Variants in NKAIN2 observed in about 807,000 individuals in gnomAD.
NKAIN2 encodes sodium/potassium-transporting ATPase subunit beta-1-interacting protein 2.
Under a neutral mutation model 32.6 loss-of-function variants are expected in NKAIN2, and 14 were observed. The ratio of observed to expected loss-of-function variants is 0.43; its 90% CI spans 0.28 to 0.67. The LOEUF is 0.67. Ranked by LOEUF, NKAIN2 falls within the 30% of genes least tolerant of loss-of-function variation. The pLI is 0.17. For missense variants in NKAIN2, 198 were observed against 258.3 expected (o/e 0.77, Z 1.60); for synonymous variants, 80 against 87.2 (o/e 0.92, Z 0.46).
chr6:124,406,604 A>G (rs184124077), intron 3 of NKAIN2, among the ~76,000 whole-genome samples: 3 of 152,270 alleles, frequency 2.0e-5, no homozygotes, highest in East Asian at 3.9e-4. Flanking sequence ...TCCCAGTGGT[A>G]TAATGGCTGG....
At chr6:124,822,467 G>T (rs1309976524) in intron 6 of NKAIN2, among the ~76,000 whole-genome samples, 5 of 152,150 alleles carry the variant, frequency 3.3e-5, no homozygotes, top group Non-Finnish European at 7.3e-5. Context: ...TAGCTGTGGG[G>T]CTCCCACTGT....
intron 4 of NKAIN2, among the ~76,000 whole-genome samples, chr6:124,726,386 G>T (rs999675243): frequency 6.6e-6 from 1 of 151,896 alleles, no homozygotes; most frequent in African/African-American, 2.4e-5. Flanking sequence ...GCCTCCTCAA[G>T]TGGGTCCCTG....
chr6:124,082,705 AT>A (rs1254483335), intron 1 of NKAIN2, among the ~76,000 whole-genome samples: 3 of 152,090 alleles, frequency 2.0e-5, no homozygotes, highest in Admixed American at 6.6e-5. Context: ...TAGAAACTAA[AT>A]GTCAAATGAA....
chr6:124,717,590 C>T (rs1427426902), intron 4 of NKAIN2, among the ~76,000 whole-genome samples: 1 of 152,026 alleles, frequency 6.6e-6, no homozygotes, highest in Non-Finnish European at 1.5e-5. Context: ...TCCAGAATGA[C>T]AATAACAGTA....
rs534857143 is a variant in NKAIN2, at chr6:124,524,311, AATTT to A, written c.274-133868_274-133865del. Among the ~76,000 whole-genome samples, 15 of 151,970 alleles carry A rather than the reference AATTT, an allele frequency of 9.9e-5. No individual in the cohort carries two copies. In the South Asian group the frequency reaches 1.5e-3, roughly 15 times the overall value. ...AAAATAGTCCTTTCCTCATCTTGCA[AATTT>A]ATTTATCAAGTGCTATCATTATATA... On this transcript the variant is annotated intron_variant, in intron 3 of 6. Transcript: ENST00000368417.
At chr6:124,559,834 ATTTTTTTTTT>A (rs55701016) in intron 3 of NKAIN2, among the ~76,000 whole-genome samples, 4 of 73,782 alleles carry the variant, frequency 5.4e-5, no homozygotes, top group Non-Finnish European at 9.4e-5. Flanking sequence ...GAAATAAACC[ATTTTTTTTTT>A]TTTTTTTTTT....
chr6:123,869,112 G>T (rs1046594013), intron 1 of NKAIN2, among the ~76,000 whole-genome samples: 2 of 152,104 alleles, frequency 1.3e-5, no homozygotes. Context: ...AATTGAGAAA[G>T]ACATAGGCTT....
intron 1 of NKAIN2, among the ~76,000 whole-genome samples, chr6:123,903,227 C>T (rs1048322941): frequency 2.6e-5 from 4 of 152,056 alleles, no homozygotes; most frequent in South Asian, 2.1e-4. Flanking sequence ...TCCTAATTGT[C>T]GCTTTTATTT....
intron 3 of NKAIN2, among the ~76,000 whole-genome samples, chr6:124,392,916 G>GC (rs1773206808): frequency 6.6e-6 from 1 of 152,000 alleles, no homozygotes; most frequent in Non-Finnish European, 1.5e-5. Flanking sequence ...TTGCTACTTG[G>GC]CACCCTTGAG....
chr6:124,398,654 C>G (rs1773500322), intron 3 of NKAIN2, among the ~76,000 whole-genome samples: 1 of 152,008 alleles, frequency 6.6e-6, no homozygotes, highest in African/African-American at 2.4e-5. Context: ...CTTATAGAGG[C>G]AATTTAAAAT....
chr6:124,337,343 A>AAAC (rs1797920356), intron 2 of NKAIN2, among the ~76,000 whole-genome samples: 1 of 151,986 alleles, frequency 6.6e-6, no homozygotes, highest in Non-Finnish European at 1.5e-5. Context: ...CGAAACTACA[A>AAAC]AATAATAATA....
At chr6:124,448,505 CA>C (rs1326282586) in intron 3 of NKAIN2, among the ~76,000 whole-genome samples, 1 of 152,136 alleles carries the variant, frequency 6.6e-6, no homozygotes, top group East Asian at 1.9e-4. Context: ...AATCCATATT[CA>C]GGGGACTGGC....
intron 3 of NKAIN2, among the ~76,000 whole-genome samples, chr6:124,564,612 A>C (rs1023373341): frequency 2.0e-5 from 3 of 152,116 alleles, no homozygotes; most frequent in African/African-American, 7.2e-5. Flanking sequence ...CACTTTTAAG[A>C]GCTGTAACAC....
chr6:124,286,642 TTGTG>T (rs56396833), intron 2 of NKAIN2, among the ~76,000 whole-genome samples: 2,057 of 144,548 alleles, frequency 0.014, 21 homozygotes, highest in Non-Finnish European at 0.018. Flanking sequence ...GTTTGGAAAA[TTGTG>T]TGTGTGTGTG....
At chr6:123,898,807 A>C (rs1774414163) in intron 1 of NKAIN2, among the ~76,000 whole-genome samples, 1 of 152,028 alleles carries the variant, frequency 6.6e-6, no homozygotes, top group African/African-American at 2.4e-5. Context: ...GCAACTTTTA[A>C]CTTAGACTCA....
At chr6:124,036,651 T>A (rs1427732748) in intron 1 of NKAIN2, among the ~76,000 whole-genome samples, 1 of 152,120 alleles carries the variant, frequency 6.6e-6, no homozygotes, top group East Asian at 1.9e-4. Flanking sequence ...ACAAAATATT[T>A]TACAGTCCCA....
intron 1 of NKAIN2, among the ~76,000 whole-genome samples, chr6:123,935,175 A>G (rs907459942): frequency 4.0e-4 from 59 of 147,750 alleles, no homozygotes; most frequent in Middle Eastern, 3.6e-3. Flanking sequence ...TTAAAAATAA[A>G]TATATTAAAT....
intron 1 of NKAIN2, among the ~76,000 whole-genome samples, chr6:124,109,120 C>A (rs1423002357): frequency 6.6e-6 from 1 of 151,892 alleles, no homozygotes; most frequent in Non-Finnish European, 1.5e-5. Flanking sequence ...ATAGGGATTG[C>A]ATTGATTCTG....
intron 1 of NKAIN2, among the ~76,000 whole-genome samples, chr6:124,018,375 A>G (rs1333526390): frequency 6.6e-6 from 1 of 152,180 alleles, no homozygotes; most frequent in Admixed American, 6.5e-5. Flanking sequence ...TTGGTGATTA[A>G]CATTTGACTT....
Sources: allele counts gnomAD v4.1 joint callset (sites outside exome capture counted in the v4.1 genomes callset), GRCh38; gene constraint gnomAD v4.1.1; transcripts MANE v1.5; gene names NCBI Gene and HGNC (gene_info 2026-07-23, HGNC 2026-07-21).